Variants in CACNA1C observed in about 807,000 individuals in gnomAD.
CACNA1C encodes the protein calcium voltage-gated channel subunit alpha1 C.
Under a neutral mutation model 229.0 loss-of-function variants are expected in CACNA1C, and 30 were observed. The ratio of observed to expected loss-of-function variants is 0.13; its 90% CI spans 0.10 to 0.18. The LOEUF is 0.18. CACNA1C is among the 10% of genes least tolerant of loss of function. CACNA1C has a pLI of 1.00. For synonymous variants in CACNA1C, 1,114 were observed against 1,132.5 expected, an observed-to-expected ratio of 0.98 and a Z score of 0.33; for missense variants, 1,658 against 2,845.0, an observed-to-expected ratio of 0.58 and a Z score of 9.49.
intron 1 of CACNA1C, among the ~76,000 whole-genome samples, chr12:2,007,955 C>T (rs76010406): frequency 0.021 from 3,179 of 151,342 alleles, 51 homozygotes; most frequent in Non-Finnish European, 0.031. Flanking sequence ...CATTTTTTTC[C>T]AATTCTAAAA....
At chr12:2,256,807 T>C (rs889660720) in intron 3 of CACNA1C, among the ~76,000 whole-genome samples, 2 of 152,230 alleles carry the variant, frequency 1.3e-5, no homozygotes, top group Non-Finnish European at 2.9e-5. Flanking sequence ...TATAGGAATC[T>C]GTTTGATTAA....
intron 13 of CACNA1C, among the ~76,000 whole-genome samples, chr12:2,577,929 C>A (rs1000132579): frequency 6.7e-6 from 1 of 149,264 alleles, no homozygotes; most frequent in Admixed American, 6.7e-5. Context: ...AGTGCAGTGG[C>A]GCGATCTCGG....
intron 3 of CACNA1C, among the ~76,000 whole-genome samples, chr12:2,228,450 T>G (rs903177230): frequency 6.6e-6 from 1 of 152,180 alleles, no homozygotes; most frequent in African/African-American, 2.4e-5. Context: ...TCCTTCTGCT[T>G]CTCTCCAAGC....
At chr12:2,459,338 A>G (rs1201886010) in intron 5 of CACNA1C, among the ~76,000 whole-genome samples, 2 of 151,912 alleles carry the variant, frequency 1.3e-5, no homozygotes, top group Non-Finnish European at 2.9e-5. Context: ...TTTTACACAT[A>G]TATCCTGTCT....
chr12:2,068,045 C>A (rs2060025934), intron 1 of CACNA1C, among the ~76,000 whole-genome samples: 2 of 152,130 alleles, frequency 1.3e-5, no homozygotes, highest in Admixed American at 1.3e-4. Context: ...GTTGTAATCC[C>A]ACAAGAAAAA....
rs971081044 is a variant in CACNA1C at position 2,046,719 on chromosome 12, C to T, written c.140-68505C>T. Among the ~76,000 whole-genome samples, 6 of 152,208 alleles carry T rather than the reference C, an allele frequency of 3.9e-5. No individual in the cohort carries two copies. In the East Asian group the frequency reaches 7.7e-4, roughly 20 times the overall value. On this transcript the variant is annotated intron_variant, in intron 1 of 46. Transcript: ENST00000682462. The stretch of plus-strand genomic sequence containing the variant: ...GTAGAATAAGCTTGAATTCTCCTCA[C>T]ACTCCGAGTACTCTGGCTTCCCCTT...
intron 3 of CACNA1C, among the ~76,000 whole-genome samples, chr12:2,255,830 C>T: frequency 1.3e-5 from 2 of 152,392 alleles, no homozygotes; most frequent in East Asian, 3.9e-4. Context: ...CGATCCTGAC[C>T]TTACTAGTTT....
chr12:2,590,682 C>CGG (rs763520031), intron 18 of CACNA1C, among the ~76,000 whole-genome samples: 1 of 152,038 alleles, frequency 6.6e-6, no homozygotes, highest in African/African-American at 2.4e-5. Flanking sequence ...GCTTCATAAA[C>CGG]GGGGGGGAGC....
chr12:2,041,477 C>T (rs1419338027), intron 1 of CACNA1C, among the ~76,000 whole-genome samples: 1 of 151,896 alleles, frequency 6.6e-6, no homozygotes, highest in Admixed American at 6.6e-5. Context: ...GGGGTTTCAC[C>T]ATGTTCGCCA....
At chr12:2,415,477 A>C (rs1279333020) in intron 3 of CACNA1C, among the ~76,000 whole-genome samples, 1 of 152,200 alleles carries the variant, frequency 6.6e-6, no homozygotes, top group African/African-American at 2.4e-5. Context: ...TTTTCTTCCA[A>C]GTGGAAATAC....
At chr12:2,237,618 C>T (rs149042383) in intron 3 of CACNA1C, among the ~76,000 whole-genome samples, 29 of 152,312 alleles carry the variant, frequency 1.9e-4, no homozygotes, top group African/African-American at 7.0e-4. Flanking sequence ...AATGGTTGGC[C>T]TGTTTTGAGA....
At chr12:2,550,672 C>G (rs760866778) in intron 10 of CACNA1C, 2 of 1,343,172 alleles carry the variant, frequency 1.5e-6, no homozygotes, top group Non-Finnish European at 2.0e-6. Flanking sequence ...AGGTACAATG[C>G]ATTTCTGAAT....
intron 3 of CACNA1C, among the ~76,000 whole-genome samples, chr12:2,290,532 A>G (rs756473222): frequency 3.3e-5 from 5 of 152,174 alleles, no homozygotes; most frequent in Non-Finnish European, 7.4e-5. Context: ...ATCTGTGACA[A>G]AGGACTTCCT....
chr12:2,462,333 C>CCCGCT (rs1567829920), intron 5 of CACNA1C, among the ~76,000 whole-genome samples: 1 of 115,906 alleles, frequency 8.6e-6, no homozygotes, highest in African/African-American at 3.2e-5. Flanking sequence ...CTCCTCGGCC[C>CCCGCT]GCCCCTTGGC....
chr12:1,984,030 G>A (rs975559033), intron 1 of CACNA1C, among the ~76,000 whole-genome samples: 14 of 151,974 alleles, frequency 9.2e-5, no homozygotes, highest in Admixed American at 9.2e-4. Context: ...TACTTTGTCT[G>A]ATGTTAATCT....
intron 2 of CACNA1C, among the ~76,000 whole-genome samples, chr12:2,120,104 G>A (rs2085875767): frequency 1.3e-5 from 2 of 152,226 alleles, no homozygotes; most frequent in African/African-American, 2.4e-5. Flanking sequence ...TCTGGCACGC[G>A]ACTGGCCTCC....
intron 9 of CACNA1C, among the ~76,000 whole-genome samples, chr12:2,526,292 G>A (rs1201025141): frequency 6.6e-6 from 1 of 152,222 alleles, no homozygotes; most frequent in Non-Finnish European, 1.5e-5. Context: ...CCATGTGGGG[G>A]CTGTTGGCCC....
intron 9 of CACNA1C, among the ~76,000 whole-genome samples, chr12:2,545,704 T>A: frequency 6.6e-6 from 1 of 152,248 alleles, no homozygotes; most frequent in South Asian, 2.1e-4. Context: ...TGTATTTCAA[T>A]ACCAAATGGC....
Position 2,565,329 on chromosome 12 carries a change from C to A in CACNA1C, c.1509-1093C>A, listed in dbSNP as rs373508766. 3.3e-5 allele frequency among the ~76,000 whole-genome samples: 5 copies of A among 151,666 alleles called. No individual in the cohort carries two copies. In the South Asian group the frequency reaches 8.4e-4, roughly 25 times the overall value. The stretch of plus-strand genomic sequence containing the variant: ...AAAAATACAAAAAATTAGCCGGGCG[C>A]GGTGGCGGGCGCCTGTAGTCCCAGC... On this transcript the variant is annotated intron_variant, in intron 11 of 46. Coordinates refer to ENST00000399655, the MANE Select transcript of CACNA1C (RefSeq NM_000719.7).
Sources: gnomAD v4.1 joint callset for allele counts (sites outside exome capture counted in the v4.1 genomes callset) on GRCh38, gnomAD v4.1.1 for gene constraint, MANE v1.5 for transcripts, NCBI Gene and HGNC (gene_info 2026-07-23, HGNC 2026-07-21) for gene names.